TTLL5: variants seen among roughly 807,000 people sequenced by gnomAD.
The protein encoded by TTLL5 is tubulin tyrosine ligase like 5, also known as tubulin polyglutamylase TTLL5.
TTLL5 carries 132 observed loss-of-function variants against 168.4 expected under a neutral mutation model. That is an observed-to-expected ratio of 0.78 (90% CI 0.68 to 0.91). The LOEUF (loss-of-function observed/expected upper bound fraction) is 0.91, where lower values mean the gene tolerates loss of function less well. Ranked by LOEUF, TTLL5 falls within the 40% of genes least tolerant of loss-of-function variation. TTLL5 has a pLI of 0.00. For synonymous variants in TTLL5, 546 were observed against 558.6 expected (o/e 0.98, Z 0.32); for missense variants, 1,545 against 1,581.5 (o/e 0.98, Z 0.39).
intron 28 of TTLL5, among the ~76,000 whole-genome samples, chr14:75,822,629 C>A (rs996271527): frequency 6.6e-6 from 1 of 152,200 alleles, no homozygotes; most frequent in East Asian, 1.9e-4. Context: ...TGGTGACTCA[C>A]AAGAACTCTG....
At chr14:75,793,123 A>C (rs759472134) in intron 27 of TTLL5, 23 bp downstream of exon 27, 2 of 1,552,852 alleles carry the variant, frequency 1.3e-6, no homozygotes, top group Admixed American at 1.8e-5. Flanking sequence ...TGGGGTGTCC[A>C]AGAGCTCTTT....
chr14:75,664,144 T>TTA (rs1423077997), intron 2 of TTLL5, among the ~76,000 whole-genome samples: 1 of 152,174 alleles, frequency 6.6e-6, no homozygotes, highest in African/African-American at 2.4e-5. Flanking sequence ...GATAAAGGCT[T>TTA]TATCTCATCT....
intron 24 of TTLL5, 45 bp from the exon 25 acceptor site, chr14:75,782,442 G>C: frequency 2.0e-6 from 3 of 1,475,060 alleles, no homozygotes. Context: ...CAGCGGACTT[G>C]CAATTGATTA....
At chr14:75,837,608 C>T (rs1397262539) in intron 28 of TTLL5, among the ~76,000 whole-genome samples, 2 of 151,984 alleles carry the variant, frequency 1.3e-5, no homozygotes, top group Non-Finnish European at 2.9e-5. Context: ...ATTCTTCCCT[C>T]CCCCCAACGC....
chr14:75,827,400 C>T (rs975145298), intron 28 of TTLL5, among the ~76,000 whole-genome samples: 12 of 151,972 alleles, frequency 7.9e-5, no homozygotes, highest in African/African-American at 2.4e-4. Context: ...TTAAAATGCT[C>T]GTAAAGAAAG....
chr14:75,826,613 C>T (rs962838941), intron 28 of TTLL5, among the ~76,000 whole-genome samples: 1 of 151,938 alleles, frequency 6.6e-6, no homozygotes, highest in African/African-American at 2.4e-5. Flanking sequence ...TTTTAAGAGG[C>T]CTGGTTATGA....
At chr14:75,860,049 C>CT (rs1331755512) in intron 28 of TTLL5, among the ~76,000 whole-genome samples, 1 of 152,174 alleles carries the variant, frequency 6.6e-6, no homozygotes, top group Non-Finnish European at 1.5e-5. Flanking sequence ...GAGAAACTTC[C>CT]TTTTGTGATT....
chr14:75,938,770 C>T (rs368530972), intron 31 of TTLL5, among the ~76,000 whole-genome samples: 10 of 152,162 alleles, frequency 6.6e-5, no homozygotes, highest in African/African-American at 2.2e-4. Flanking sequence ...ATGCTTACAG[C>T]AGAGTAGGCA....
At position 75,743,575 on chromosome 14, in the gene TTLL5, C is replaced by CTTTTTT. The variant is rs33959405; in HGVS notation, c.1282-1501_1282-1496dup. On this transcript the variant is annotated intron_variant, in intron 15 of 31. Coordinates refer to ENST00000298832, the MANE Select transcript of TTLL5 (RefSeq NM_015072.5). ...TGAGATCAAACTCTCTGGCATCGCT[C>CTTTTTT]TTTTTTTTTTTTTTTTTTTTTTTTG... 6.8e-4 allele frequency among the ~76,000 whole-genome samples: 43 copies of CTTTTTT among 63,106 alleles called. 1 individual carries two copies. Among genetic ancestry groups the CTTTTTT allele is most frequent in the East Asian group, 1.2e-3 (2 of 1,706 alleles). 41.4% of individuals were successfully genotyped at this position (63,106 alleles called of 152,430 possible). A position where few individuals can be genotyped will look rare whatever the true frequency, so the allele number is the denominator to read the frequency against.
chr14:75,821,746 G>C (rs1030224291), intron 28 of TTLL5, among the ~76,000 whole-genome samples: 2 of 152,130 alleles, frequency 1.3e-5, no homozygotes, highest in African/African-American at 4.8e-5. Context: ...TACTGTGAGT[G>C]GCCTTCTCCC....
At chr14:75,915,491 G>C (rs1225736434) in intron 31 of TTLL5, among the ~76,000 whole-genome samples, 1 of 152,202 alleles carries the variant, frequency 6.6e-6, no homozygotes, top group African/African-American at 2.4e-5. Flanking sequence ...AGGGTGGAAA[G>C]ATCATAACTG....
intron 31 of TTLL5, among the ~76,000 whole-genome samples, chr14:75,950,872 G>A (rs2034941246): frequency 6.6e-6 from 1 of 152,080 alleles, no homozygotes; most frequent in Non-Finnish European, 1.5e-5. Context: ...GGAGACTGAG[G>A]TGAGAGGATC....
In TTLL5 at chr14:75,819,361, A is replaced by C. The variant is rs553212386; in HGVS notation, c.3172-646A>C. On this transcript the variant is annotated intron_variant, in intron 27 of 31. Coordinates refer to ENST00000298832, the MANE Select transcript of TTLL5 (RefSeq NM_015072.5). ...TAATTTCACCCTTTGCCATTTGTGGATACTATCTTTAAATATTGTATACCA... is the reference window on the plus strand; with the variant it reads ...TAATTTCACCCTTTGCCATTTGTGGCTACTATCTTTAAATATTGTATACCA... Among the ~76,000 whole-genome samples, 24 of 152,322 alleles carry C rather than the reference A, an allele frequency of 1.6e-4. No homozygotes were observed. In the South Asian group the frequency reaches 2.9e-3, roughly 18 times the overall value.
intron 18 of TTLL5, among the ~76,000 whole-genome samples, chr14:75,759,988 G>A (rs1237573093): frequency 6.6e-6 from 1 of 151,942 alleles, no homozygotes; most frequent in Non-Finnish European, 1.5e-5. Flanking sequence ...TTTTATTCAC[G>A]TTGTACATTA....
chr14:75,923,056 C>T (rs1033830354), intron 31 of TTLL5, among the ~76,000 whole-genome samples: 2 of 152,058 alleles, frequency 1.3e-5, no homozygotes, highest in African/African-American at 4.8e-5. Context: ...TGGTGATATT[C>T]CCTTTATCAT....
intron 5 of TTLL5, 111 bp downstream of exon 5, chr14:75,683,767 G>C: frequency 2.6e-5 from 18 of 705,696 alleles, no homozygotes; most frequent in East Asian, 6.3e-5. Context: ...AAATGAAGAA[G>C]AAGAAGGACT....
intron 15 of TTLL5, among the ~76,000 whole-genome samples, chr14:75,740,110 C>G (rs1002649147): frequency 6.6e-6 from 1 of 152,164 alleles, no homozygotes. Context: ...GCACTAACCC[C>G]TAACTGGAAA....
chr14:75,683,493 TG>T, intron 4 of TTLL5, 56 bp from the exon 5 acceptor site: 1 of 1,385,246 alleles, frequency 7.2e-7, no homozygotes, highest in Non-Finnish European at 1.0e-6. Context: ...TTGCTTTTCC[TG>T]GAGAAGGGGT....
chr14:75,707,180 A>C, intron 8 of TTLL5, 93 bp downstream of exon 8: 1 of 984,392 alleles, frequency 1.0e-6, no homozygotes, highest in Non-Finnish European at 1.6e-6. Flanking sequence ...TCTTTATTAT[A>C]CTGTTGTGAA....
Sources: allele counts gnomAD v4.1 joint callset (sites outside exome capture counted in the v4.1 genomes callset), GRCh38; gene constraint gnomAD v4.1.1; transcripts MANE v1.5; gene names NCBI Gene and HGNC (gene_info 2026-07-23, HGNC 2026-07-21).